The following YTHDC1 variants were observed in gnomAD, a reference collection of about 807,000 sequenced individuals.
The protein encoded by YTHDC1 is YTH domain-containing protein 1.
A neutral mutation model predicts 107.0 loss-of-function variants in YTHDC1; 12 were observed. The observed-to-expected ratio is 0.11, with a 90% CI of 0.07 to 0.18. The LOEUF is 0.18. YTHDC1 is among the 10% of genes least tolerant of loss of function. The probability of loss-of-function intolerance (pLI) is 1.00; values close to 1 mark genes in which losing one functional copy is unlikely to be tolerated. For missense variants in YTHDC1, 635 were observed against 898.8 expected, an observed-to-expected ratio of 0.71 and a Z score of 3.75; for synonymous variants, 280 against 289.5, an observed-to-expected ratio of 0.97 and a Z score of 0.33.
intron 9 of YTHDC1, among the ~76,000 whole-genome samples, chr4:68,325,070 C>A (rs1722836400): frequency 6.6e-6 from 1 of 152,062 alleles, no homozygotes. Context: ...GTGCATAAAA[C>A]AAATAATGCC....
intron 4 of YTHDC1, 46 bp from the exon 5 acceptor site, chr4:68,333,443 A>C (rs777067520): frequency 7.3e-7 from 1 of 1,370,780 alleles, no homozygotes; most frequent in Admixed American, 1.9e-5. Flanking sequence ...TACAGAAACG[A>C]AGAGAAGTAA....
Position 68,350,064 on chromosome 4 carries a change from T to G in YTHDC1, c.-311A>C. 1 of 510,732 alleles carries G rather than the reference T, an allele frequency of 2.0e-6. No individual in the cohort carries two copies. Among genetic ancestry groups the G allele is most frequent in the South Asian group, 2.3e-5 (1 of 42,566 alleles). 31.6% of individuals were successfully genotyped at this position (510,732 alleles called of 1,614,324 possible). On this transcript the variant is annotated 5_prime_UTR_variant, in exon 1 of 17. Transcript: ENST00000344157. ...CGGCGCTAAAATGGAGCCTGCTTCC[T>G]GCGCGAAACAATCCCGCTCCCGAAA... is the stretch of plus-strand genomic sequence containing the variant.
chr4:68,345,206 TTAACTC>T (rs780649607), intron 1 of YTHDC1, among the ~76,000 whole-genome samples: 4 of 152,108 alleles, frequency 2.6e-5, no homozygotes, highest in African/African-American at 4.8e-5. Flanking sequence ...GTCACAAACT[TTAACTC>T]TAGGGATATC....
chr4:68,349,825 G>C lies in YTHDC1; in HGVS notation c.-72C>G. 6.2e-7 allele frequency: 1 copy of C among 1,605,880 alleles called. No individual in the cohort carries two copies. The highest frequency in any genetic ancestry group is 8.5e-7 in the Non-Finnish European group (1 of 1,175,170). On this transcript the variant is annotated 5_prime_UTR_variant, in exon 1 of 17. Transcript: ENST00000344157. ...CGCGACTCGCGCGGGCGCCGCAGCC[G>C]CGGCAGAAGCACGGGCCCGTCCGTC...
At chr4:68,347,159 T>C (rs937015399) in intron 1 of YTHDC1, among the ~76,000 whole-genome samples, 2 of 152,196 alleles carry the variant, frequency 1.3e-5, no homozygotes, top group Non-Finnish European at 1.5e-5. Context: ...GCTTCTAGTC[T>C]GGTAATCTAG....
rs982229862 is a variant in YTHDC1, at chr4:68,337,059, G to C, written c.851C>G (p.Ser284Cys). ...ATCTGTGCCTGAACCAGATCTGACA[G>C]ACCCATCTGTGAAGGAAACAGATTC... ...GSESVSFTDG[S>C]VRSGSGTDGS... The change falls in exon 4 of 17, where the codon TCT becomes TGT. Residue 284 changes from serine (S) to cysteine (C), a missense_variant. By Grantham distance (112) the Ser-to-Cys change is moderately radical. Coordinates refer to ENST00000344157, the MANE Select transcript of YTHDC1 (RefSeq NM_001031732.4). The C allele has an allele frequency of 2.5e-6, 4 of 1,613,386 alleles. No homozygotes were observed. The highest frequency in any genetic ancestry group is 3.4e-6 in the Non-Finnish European group (4 of 1,179,706).
Position 68,312,416 on chromosome 4 carries a change from T to TA in YTHDC1, c.*1682dup, listed in dbSNP as rs1202475822. 6.6e-6 allele frequency: 1 copy of TA among 152,228 alleles called. No homozygotes were observed. Among genetic ancestry groups the TA allele is most frequent in the Non-Finnish European group, 1.5e-5 (1 of 68,044 alleles). 9.4% of individuals were successfully genotyped at this position (152,228 alleles called of 1,614,324 possible). On this transcript the variant is annotated 3_prime_UTR_variant, in exon 17 of 17. Coordinates refer to ENST00000344157, the MANE Select transcript of YTHDC1 (RefSeq NM_001031732.4). ...ACTGTAGCTATCATCTTGTCTAGCT[T>TA]ACTGATGAATACACAAAATGCCAAT...
chr4:68,317,215 C>G (rs1036563224), intron 15 of YTHDC1, among the ~76,000 whole-genome samples: 1 of 151,942 alleles, frequency 6.6e-6, no homozygotes, highest in African/African-American at 2.4e-5. Context: ...CCGAATGAGA[C>G]CCTGTCTCTC....
chr4:68,341,770 G>A (rs1157718520), intron 1 of YTHDC1, among the ~76,000 whole-genome samples: 1 of 152,066 alleles, frequency 6.6e-6, no homozygotes. Context: ...GAAAAGTCTT[G>A]GAGGTTAAGG....
rs1724382545 is a variant in YTHDC1, at chr4:68,337,858, T to C, written c.173A>G (p.Lys58Arg). 1 of 1,613,700 alleles carries C rather than the reference T, an allele frequency of 6.2e-7. No homozygotes were observed. Among genetic ancestry groups the C allele is most frequent in the Admixed American group, 1.7e-5 (1 of 59,994 alleles). Reference protein sequence around the residue: ...KSDRMESTDTKRQKPSVHSRQ... With the variant: ...KSDRMESTDTRRQKPSVHSRQ... ...AGAATGGACAGAAGGCTTTTGTCGT[T>C]TGGTATCAGTAGATTCCATTCGATC... The change falls in exon 3 of 17, where the codon AAA (lysine) becomes AGA (arginine). Residue 58 changes from lysine (K) to arginine (R), a missense_variant. By Grantham distance (26) the Lys-to-Arg change is conservative. Around this residue, in one of 5 missense-constraint regions of YTHDC1, gnomAD observed 294 missense variants for 312.3 expected, o/e 0.94. Coordinates refer to ENST00000344157, the MANE Select transcript of YTHDC1 (RefSeq NM_001031732.4).
intron 6 of YTHDC1, among the ~76,000 whole-genome samples, chr4:68,332,512 C>CAT (rs1336044385): frequency 1.3e-5 from 2 of 151,982 alleles, no homozygotes; most frequent in Non-Finnish European, 2.9e-5. Flanking sequence ...TATATACATA[C>CAT]ATATATATAC....
rs775753705 is a variant in YTHDC1 at position 68,322,955 on chromosome 4, C to A, written c.1435-40G>T. 8.8e-6 allele frequency: 14 copies of A among 1,591,432 alleles called. 1 individual carries two copies. The Admixed American group carries it at 1.7e-4, about 19-fold the overall frequency. On this transcript the variant is annotated intron_variant, in intron 10 of 16. Transcript: ENST00000344157. This position sits in a 1 kb window ranked among gnomAD's most constrained non-coding sequence, Gnocchi z 4.8. The stretch of plus-strand genomic sequence containing the variant: ...TAGCAATTTATAAAACAAAAACAGA[C>A]CCTTTCAACAGACTTGCATTTTCCT...
chr4:68,335,278 T>C (rs1303212456), intron 4 of YTHDC1, among the ~76,000 whole-genome samples: 2 of 152,068 alleles, frequency 1.3e-5, no homozygotes, highest in Non-Finnish European at 2.9e-5. Flanking sequence ...TACTCTTTCA[T>C]AAACTATTGT....
intron 1 of YTHDC1, among the ~76,000 whole-genome samples, chr4:68,346,096 T>TATATATATATATAC (rs1230266568): frequency 4.3e-5 from 6 of 140,382 alleles, no homozygotes; most frequent in African/African-American, 1.6e-4. Flanking sequence ...TATATATATA[T>TATATATATATATAC]ATATACACAC....
rs533128688 is a variant in YTHDC1, at chr4:68,324,236, T to C, written c.1350-13A>G. 2 of 1,600,586 alleles carry C rather than the reference T, an allele frequency of 1.2e-6. No homozygotes were observed. Among genetic ancestry groups the C allele is most frequent in the South Asian group, 2.2e-5 (2 of 90,544 alleles). On this transcript the variant is annotated splice_polypyrimidine_tract_variant and intron_variant, in intron 9 of 16. Coordinates refer to ENST00000344157, the MANE Select transcript of YTHDC1 (RefSeq NM_001031732.4). The stretch of plus-strand genomic sequence containing the variant: ...GGGTAATTCACGCCTAAATACAAAG[T>C]AATATCAATTACATTCTTCTGCAGA...
At chr4:68,346,779 T>C (rs1406506474) in intron 1 of YTHDC1, among the ~76,000 whole-genome samples, 1 of 152,208 alleles carries the variant, frequency 6.6e-6, no homozygotes, top group Non-Finnish European at 1.5e-5. Flanking sequence ...TAATGACTGT[T>C]CTACTTTATT....
chr4:68,318,918 T>G, intron 12 of YTHDC1, 56 bp from the exon 13 acceptor site: 1 of 1,574,806 alleles, frequency 6.3e-7, no homozygotes. Flanking sequence ...TTTTATGGCA[T>G]TATAATTAAA....
chr4:68,348,930 T>A (rs1038741226), intron 1 of YTHDC1, among the ~76,000 whole-genome samples: 3 of 152,294 alleles, frequency 2.0e-5, no homozygotes, highest in Middle Eastern at 3.4e-3. Context: ...GGACCTACAT[T>A]AATATCTCTA....
At chr4:68,329,027 T>TGTC (rs1352954465) in intron 9 of YTHDC1, among the ~76,000 whole-genome samples, 2 of 152,228 alleles carry the variant, frequency 1.3e-5, no homozygotes, top group Non-Finnish European at 2.9e-5. Flanking sequence ...TTGATGGGTA[T>TGTC]GTCACTACAC....
Sources: allele counts gnomAD v4.1 joint callset (sites outside exome capture counted in the v4.1 genomes callset), GRCh38; gene constraint gnomAD v4.1.1; regional missense constraint gnomAD v4.1.1; non-coding constraint Gnocchi (gnomAD v3.1); transcripts MANE v1.5; gene names NCBI Gene and HGNC (gene_info 2026-07-23, HGNC 2026-07-21).